Variants in ARHGAP18 observed in about 807,000 individuals in gnomAD.
The protein encoded by ARHGAP18 is rho GTPase-activating protein 18.
Under a neutral mutation model 86.2 loss-of-function variants are expected in ARHGAP18, and 67 were observed. The observed-to-expected ratio is 0.78, with a 90% CI of 0.64 to 0.95. The LOEUF is 0.95. ARHGAP18 is among the 40% of genes least tolerant of loss of function. The pLI is 0.00. For missense variants in ARHGAP18, 691 were observed against 780.4 expected, an observed-to-expected ratio of 0.89 and a Z score of 1.37; for synonymous variants, 283 against 280.4, an observed-to-expected ratio of 1.01 and a Z score of -0.09.
At chr6:129,657,400 T>A (rs188451023) in intron 1 of ARHGAP18, among the ~76,000 whole-genome samples, 36 of 150,202 alleles carry the variant, frequency 2.4e-4, no homozygotes, top group African/African-American at 6.6e-4. Flanking sequence ...GCTGGCATTT[T>A]ACACACTCAT....
chr6:129,672,828 T>G (rs961035348), intron 1 of ARHGAP18, among the ~76,000 whole-genome samples: 1 of 152,256 alleles, frequency 6.6e-6, no homozygotes, highest in African/African-American at 2.4e-5. Context: ...ATATCCTCAG[T>G]AAAGCTTTCA....
Position 129,578,314 on chromosome 6 carries a change from CTAA to C in ARHGAP18, c.*196_*198del, listed in dbSNP as rs111625877. 0.025 allele frequency: 6,033 copies of C among 237,460 alleles called. 145 individuals carry two copies. The highest frequency in any genetic ancestry group is 0.073 in the African/African-American group (3,218 of 44,206). 14.7% of individuals were successfully genotyped at this position (237,460 alleles called of 1,614,324 possible). Reference sequence around the variant, plus strand: ...TACTCTCACTCCAGAAATTTTTTTTCTAATAATAACATTAATAATAATTAATAT... The same window carrying C: ...TACTCTCACTCCAGAAATTTTTTTTCTAATAACATTAATAATAATTAATAT... On this transcript the variant is annotated 3_prime_UTR_variant, in exon 15 of 15. Coordinates refer to ENST00000368149, the MANE Select transcript of ARHGAP18 (RefSeq NM_033515.3).
chr6:129,619,733 C>A lies in ARHGAP18; in HGVS notation c.787-881G>T, dbSNP rs1251191843. 2.0e-5 allele frequency among the ~76,000 whole-genome samples: 3 copies of A among 150,966 alleles called. No individual in the cohort carries two copies. In the East Asian group the frequency reaches 5.9e-4, roughly 30 times the overall value. On this transcript the variant is annotated intron_variant, in intron 5 of 14. Coordinates refer to ENST00000368149, the MANE Select transcript of ARHGAP18 (RefSeq NM_033515.3). Reference sequence around the variant, plus strand: ...ACTAGCCATGAGTGTATGCTTAGAACATGCCAGGTACCCTTCACATACACT... The same window carrying A: ...ACTAGCCATGAGTGTATGCTTAGAAAATGCCAGGTACCCTTCACATACACT...
chr6:129,706,015 C>T (rs74397656), intron 1 of ARHGAP18, among the ~76,000 whole-genome samples: 1,794 of 152,236 alleles, frequency 0.012, 17 homozygotes, highest in South Asian at 0.02. Context: ...ATGATGAATG[C>T]CATACATTTA....
Position 129,599,206 on chromosome 6 carries a change from A to G in ARHGAP18, c.1713+10T>C. The G allele has an allele frequency of 1.3e-6, 2 of 1,528,008 alleles. No individual in the cohort carries two copies. The highest frequency in any genetic ancestry group is 1.7e-6 in the Non-Finnish European group (2 of 1,145,332). 94.7% of individuals were successfully genotyped at this position (1,528,008 alleles called of 1,614,324 possible). Reference sequence around the variant, plus strand: ...ATCTGAATAAATACATATCTCCACTATTTTCTTACATCATTTGTACTCTTA... The same window carrying G: ...ATCTGAATAAATACATATCTCCACTGTTTTCTTACATCATTTGTACTCTTA... On this transcript the variant is annotated intron_variant, in intron 12 of 14. Coordinates refer to ENST00000368149, the MANE Select transcript of ARHGAP18 (RefSeq NM_033515.3).
chr6:129,636,718 A>G (rs1773339228), intron 3 of ARHGAP18, among the ~76,000 whole-genome samples: 1 of 152,210 alleles, frequency 6.6e-6, no homozygotes, highest in African/African-American at 2.4e-5. Flanking sequence ...CTCTACTAAA[A>G]GTACAAAAAA....
chr6:129,629,260 TA>T (rs1554336681), intron 5 of ARHGAP18, 92 bp downstream of exon 5: 2 of 1,039,178 alleles, frequency 1.9e-6, no homozygotes, highest in South Asian at 1.7e-5. Context: ...TATATATATA[TA>T]TGTGTGTGTG....
intron 7 of ARHGAP18, among the ~76,000 whole-genome samples, chr6:129,614,604 G>A (rs1439571403): frequency 3.3e-5 from 5 of 152,230 alleles, no homozygotes; most frequent in South Asian, 4.1e-4. Flanking sequence ...ATCCTCAGCC[G>A]GATCACGTGG....
rs543407407 is a variant in ARHGAP18, at chr6:129,611,562, G to A, written c.1093C>T (p.Arg365Trp). The change falls in exon 8 of 15, where the codon CGG becomes TGG. Residue 365 changes from arginine to tryptophan, a missense_variant. Physicochemically the swap from Arg to Trp is moderately radical, Grantham distance 101 (BLOSUM62 -3). Transcript: ENST00000368149. ...ATTCTAATGGCAGCTCCAGGGATCC[G>A]TAAGAGGCCTTCTGTTTCCAAACCT... is the stretch of plus-strand genomic sequence containing the variant. ...ERGLETEGLL[R>W]IPGAAIRIKN... is the part of the protein sequence containing the mutation. 9 of 1,613,602 alleles carry A rather than the reference G, an allele frequency of 5.6e-6. No individual in the cohort carries two copies. The highest frequency in any genetic ancestry group is 2.2e-5 in the East Asian group (1 of 44,820).
At chr6:129,600,619 C>CA (rs778962641) in intron 11 of ARHGAP18, 23 bp downstream of exon 11, 2 of 1,572,632 alleles carry the variant, frequency 1.3e-6, no homozygotes, top group East Asian at 2.3e-5. Context: ...CTACTAAGAC[C>CA]AAAGCATATG....
At chr6:129,579,524 A>C (rs965613700) in intron 14 of ARHGAP18, among the ~76,000 whole-genome samples, 3 of 152,180 alleles carry the variant, frequency 2.0e-5, no homozygotes, top group Non-Finnish European at 4.4e-5. Flanking sequence ...TTTTAAAAAG[A>C]GATGGTTAAG....
intron 12 of ARHGAP18, among the ~76,000 whole-genome samples, chr6:129,594,174 T>A (rs1457431584): frequency 1.3e-5 from 2 of 152,144 alleles, no homozygotes; most frequent in Non-Finnish European, 2.9e-5. Flanking sequence ...CACTCTCCAA[T>A]CCCTGGCAAT....
At chr6:129,646,330 T>A (rs1265649627) in intron 1 of ARHGAP18, among the ~76,000 whole-genome samples, 1 of 152,166 alleles carries the variant, frequency 6.6e-6, no homozygotes, top group African/African-American at 2.4e-5. Context: ...CTGAAGTGCC[T>A]CATAGGTAAC....
intron 1 of ARHGAP18, among the ~76,000 whole-genome samples, chr6:129,678,462 A>G (rs1454982962): frequency 6.6e-6 from 1 of 151,942 alleles, no homozygotes; most frequent in Non-Finnish European, 1.5e-5. Context: ...ACTTATGGAG[A>G]TATAGCAACC....
intron 1 of ARHGAP18, among the ~76,000 whole-genome samples, chr6:129,666,426 G>T (rs1457231314): frequency 1.3e-5 from 2 of 152,230 alleles, no homozygotes; most frequent in African/African-American, 2.4e-5. Context: ...AAGCCCTGTG[G>T]ATGCTCAAGT....
chr6:129,686,978 CTT>C (rs71028176), intron 1 of ARHGAP18, among the ~76,000 whole-genome samples: 4 of 106,962 alleles, frequency 3.7e-5, no homozygotes, highest in Admixed American at 1.1e-4. Flanking sequence ...TTTTTTTTTT[CTT>C]TTTTTTTTTT....
chr6:129,602,726 A>C (rs1473904317), intron 10 of ARHGAP18, among the ~76,000 whole-genome samples: 1 of 152,186 alleles, frequency 6.6e-6, no homozygotes, highest in Non-Finnish European at 1.5e-5. Flanking sequence ...AAGTTTGGAA[A>C]AAATATTTAA....
rs140813771 is a variant in ARHGAP18, at chr6:129,660,743, C to T, written c.114-18725G>A. 1.1e-3 allele frequency among the ~76,000 whole-genome samples: 168 copies of T among 152,214 alleles called. 1 individual carries two copies. Among genetic ancestry groups the T allele is most frequent in the African/African-American group, 3.7e-3 (155 of 41,544 alleles). ...AATAGACAAGAACTGATCTAGACAT[C>T]TGGAAGTCTAGGTTGTGCCCATGAA... On this transcript the variant is annotated intron_variant, in intron 1 of 14. Coordinates refer to ENST00000368149, the MANE Select transcript of ARHGAP18 (RefSeq NM_033515.3).
intron 1 of ARHGAP18, among the ~76,000 whole-genome samples, chr6:129,692,768 G>C (rs1001784085): frequency 8.5e-5 from 13 of 152,260 alleles, no homozygotes; most frequent in Middle Eastern, 3.4e-3. Flanking sequence ...CGTACCTTTG[G>C]CTTCCTGAGA....
Sources: gnomAD v4.1 joint callset for allele counts (sites outside exome capture counted in the v4.1 genomes callset) on GRCh38, gnomAD v4.1.1 for gene constraint, MANE v1.5 for transcripts, NCBI Gene and HGNC (gene_info 2026-07-23, HGNC 2026-07-21) for gene names.